Variants in PPFIA2 observed in about 807,000 individuals in gnomAD.
PPFIA2 encodes PPFI scaffold protein A2, also known as liprin-alpha-2.
In PPFIA2, 46 loss-of-function variants were observed where a neutral mutation model predicts 175.5. That is an observed-to-expected ratio of 0.26 (90% confidence interval 0.21 to 0.34). The LOEUF (loss-of-function observed/expected upper bound fraction) is 0.34. Ranked by LOEUF, PPFIA2 falls within the 10% of genes least tolerant of loss-of-function variation. PPFIA2 has a pLI of 1.00. For synonymous variants in PPFIA2, 568 were observed against 511.4 expected (o/e 1.11, Z -1.49); for missense variants, 1,179 against 1,506.1 (o/e 0.78, Z 3.60).
At chr12:81,634,034 A>G (rs1423479093) in intron 4 of PPFIA2, among the ~76,000 whole-genome samples, 1 of 152,130 alleles carries the variant, frequency 6.6e-6, no homozygotes, top group Non-Finnish European at 1.5e-5. Context: ...GGCTTAAAAT[A>G]TAAGTTAAAA....
chr12:81,723,491 A>G (rs1402566548), intron 3 of PPFIA2, among the ~76,000 whole-genome samples: 6 of 150,968 alleles, frequency 4.0e-5, no homozygotes, highest in African/African-American at 1.5e-4. Flanking sequence ...AACTATCCAT[A>G]CTGTGGTTTG....
intron 4 of PPFIA2, among the ~76,000 whole-genome samples, chr12:81,488,697 T>A (rs2059111081): frequency 6.6e-6 from 1 of 151,882 alleles, no homozygotes; most frequent in Non-Finnish European, 1.5e-5. Context: ...TCCCCTATTC[T>A]AGGAAGCCTA....
chr12:81,600,483 C>T (rs930628660), intron 4 of PPFIA2, among the ~76,000 whole-genome samples: 3 of 151,826 alleles, frequency 2.0e-5, no homozygotes, highest in African/African-American at 7.3e-5. Context: ...ATTTCCTTAA[C>T]TATAACTCTA....
At chr12:81,388,207 A>G (rs2039389765) in intron 8 of PPFIA2, among the ~76,000 whole-genome samples, 1 of 152,166 alleles carries the variant, frequency 6.6e-6, no homozygotes, top group African/African-American at 2.4e-5. Context: ...ATAAAAGTAC[A>G]ATGCAATCAT....
intron 22 of PPFIA2, among the ~76,000 whole-genome samples, chr12:81,302,912 A>G (rs544826345): frequency 1.3e-5 from 2 of 152,310 alleles, no homozygotes; most frequent in African/African-American, 4.8e-5. Flanking sequence ...TGAATTTAAT[A>G]CATGATGATA....
chr12:81,339,066 G>T, intron 21 of PPFIA2, 114 bp downstream of exon 21: 4 of 1,018,448 alleles, frequency 3.9e-6, no homozygotes, highest in Non-Finnish European at 5.5e-6. Flanking sequence ...ATTTTGTCAG[G>T]TAGAAAAGAG....
chr12:81,576,212 G>A (rs1426788222), intron 4 of PPFIA2, among the ~76,000 whole-genome samples: 1 of 151,702 alleles, frequency 6.6e-6, no homozygotes, highest in East Asian at 2.0e-4. Context: ...GATATTTGGA[G>A]GCAGGTAGCA....
At chr12:81,642,925 G>T (rs1190757259) in intron 4 of PPFIA2, among the ~76,000 whole-genome samples, 1 of 142,310 alleles carries the variant, frequency 7.0e-6, no homozygotes, top group African/African-American at 2.6e-5. Context: ...TAAAAAATGT[G>T]TATATATAAC....
intron 4 of PPFIA2, among the ~76,000 whole-genome samples, chr12:81,623,186 C>A (rs184791863): frequency 1.2e-4 from 18 of 152,044 alleles, no homozygotes; most frequent in Admixed American, 8.5e-4. Flanking sequence ...ATTAGCCTTC[C>A]AGATAGCATT....
chr12:81,304,334 T>C (rs1267475498), intron 22 of PPFIA2, among the ~76,000 whole-genome samples: 1 of 152,224 alleles, frequency 6.6e-6, no homozygotes, highest in African/African-American at 2.4e-5. Context: ...AGACCTACTA[T>C]ATGCCAAGTT....
At chr12:81,493,783 T>C (rs939840702) in intron 4 of PPFIA2, among the ~76,000 whole-genome samples, 1 of 135,968 alleles carries the variant, frequency 7.4e-6, no homozygotes, top group South Asian at 2.2e-4. Context: ...TATATATATA[T>C]ATATACACAT....
At chr12:81,492,758 T>C (rs1055585488) in intron 4 of PPFIA2, among the ~76,000 whole-genome samples, 3 of 151,966 alleles carry the variant, frequency 2.0e-5, no homozygotes, top group African/African-American at 7.2e-5. Flanking sequence ...ATGGAAGATT[T>C]AGAGCAAAAA....
intron 3 of PPFIA2, among the ~76,000 whole-genome samples, chr12:81,708,220 G>A (rs1277538599): frequency 6.6e-6 from 1 of 150,862 alleles, no homozygotes; most frequent in Non-Finnish European, 1.5e-5. Flanking sequence ...GAAAAAAAAA[G>A]AAATGTATAG....
At chr12:81,380,992 G>C (rs191122519) in intron 9 of PPFIA2, among the ~76,000 whole-genome samples, 4,454 of 122,046 alleles carry the variant, frequency 0.036, 221 homozygotes, top group African/African-American at 0.12. Context: ...GTGTGTGTGT[G>C]TGTGTGTGTG....
intron 7 of PPFIA2, among the ~76,000 whole-genome samples, chr12:81,411,475 C>T (rs1197871364): frequency 6.6e-6 from 1 of 152,040 alleles, no homozygotes; most frequent in Non-Finnish European, 1.5e-5. Context: ...CATTCATATC[C>T]TTGCCTCTGT....
chr12:81,276,393 C>T (rs544507997), intron 28 of PPFIA2, among the ~76,000 whole-genome samples: 8 of 152,070 alleles, frequency 5.3e-5, no homozygotes, highest in East Asian at 1.9e-4. Flanking sequence ...GTAAGAAAAC[C>T]GCACTTGAAC....
intron 7 of PPFIA2, among the ~76,000 whole-genome samples, chr12:81,436,058 G>T (rs1295203976): frequency 6.6e-6 from 1 of 151,678 alleles, no homozygotes; most frequent in Non-Finnish European, 1.5e-5. Flanking sequence ...TGGGCAGACT[G>T]TTTGACCCCT....
intron 7 of PPFIA2, among the ~76,000 whole-genome samples, chr12:81,417,946 A>C (rs1186779316): frequency 6.6e-6 from 1 of 151,832 alleles, no homozygotes; most frequent in Non-Finnish European, 1.5e-5. Context: ...GGATAGTATC[A>C]TATCTAAAAA....
At chr12:81,268,521 C>G (rs2038115855) in intron 28 of PPFIA2, among the ~76,000 whole-genome samples, 1 of 152,200 alleles carries the variant, frequency 6.6e-6, no homozygotes, top group African/African-American at 2.4e-5. Flanking sequence ...CATCCACACT[C>G]TAATCCATCT....
Sources: gnomAD v4.1 joint callset for allele counts (sites outside exome capture counted in the v4.1 genomes callset) on GRCh38, gnomAD v4.1.1 for gene constraint, MANE v1.5 for transcripts, NCBI Gene and HGNC (gene_info 2026-07-23, HGNC 2026-07-21) for gene names.